The following GABRB2 variants were observed in gnomAD, a reference collection of about 807,000 sequenced individuals.
GABRB2 encodes the protein gamma-aminobutyric acid type A receptor subunit beta2, also known as gamma-aminobutyric acid receptor subunit beta-2.
In GABRB2, 16 loss-of-function variants were observed where a neutral mutation model predicts 54.7. That is an observed-to-expected ratio of 0.29 (90% CI 0.20 to 0.44). The LOEUF is 0.44. GABRB2 is among the 20% of genes least tolerant of loss of function. The probability of loss-of-function intolerance (pLI) is 1.00; values close to 1 mark genes in which losing one functional copy is unlikely to be tolerated. For synonymous variants in GABRB2, 244 were observed against 233.8 expected, an observed-to-expected ratio of 1.04 and a Z score of -0.40; for missense variants, 355 against 644.0, an observed-to-expected ratio of 0.55 and a Z score of 4.86.
chr5:161,331,916 A>C (rs1231126038), intron 7 of GABRB2, among the ~76,000 whole-genome samples: 1 of 152,092 alleles, frequency 6.6e-6, no homozygotes, highest in Non-Finnish European at 1.5e-5. Flanking sequence ...TTGTAATCCC[A>C]GCACTTTGGG....
intron 5 of GABRB2, among the ~76,000 whole-genome samples, chr5:161,347,038 T>C (rs1362537912): frequency 3.3e-5 from 5 of 152,080 alleles, no homozygotes; most frequent in Non-Finnish European, 7.4e-5. Flanking sequence ...TGTAGACATA[T>C]ATGCACAGTT....
chr5:161,429,375 GA>G (rs1433265974), intron 4 of GABRB2, among the ~76,000 whole-genome samples: 39 of 78,854 alleles, frequency 4.9e-4, no homozygotes, highest in African/African-American at 1.8e-3. Flanking sequence ...GAAAAAAAAA[GA>G]AATCCTGAAA....
At chr5:161,482,201 C>T (rs1038555135) in intron 3 of GABRB2, among the ~76,000 whole-genome samples, 10 of 152,084 alleles carry the variant, frequency 6.6e-5, no homozygotes, top group East Asian at 1.9e-4. Context: ...ACATCCCTCA[C>T]GAGGTGTGCA....
intron 5 of GABRB2, among the ~76,000 whole-genome samples, chr5:161,370,510 G>C (rs1297362808): frequency 6.6e-6 from 1 of 152,164 alleles, no homozygotes; most frequent in African/African-American, 2.4e-5. Context: ...GCCAAACTCT[G>C]TAGATCTGTC....
chr5:161,416,700 A>AAAAAAAAAAAAAAAAAAAAAAAAAAC lies in GABRB2; in HGVS notation c.459-5644_459-5643insGTTTTTTTTTTTTTTTTTTTTTTTTT, dbSNP rs1756683254. Among the ~76,000 whole-genome samples the AAAAAAAAAAAAAAAAAAAAAAAAAAC allele has an allele frequency of 2.4e-5, 2 of 81,730 alleles. 1 individual carries two copies. Among genetic ancestry groups the AAAAAAAAAAAAAAAAAAAAAAAAAAC allele is most frequent in the Non-Finnish European group, 4.2e-5 (2 of 47,922 alleles). The allele number at this position is 81,730 out of a possible 152,430, so 53.6% of individuals were successfully genotyped here. A position where few individuals can be genotyped will look rare whatever the true frequency, so the allele number is the denominator to read the frequency against. ...CGGCAGAGCCAGACTCCGTCTCAAA[A>AAAAAAAAAAAAAAAAAAAAAAAAAAC]AAAAAAAAAAAAAAAAAAAAAAAAA... On this transcript the variant is annotated intron_variant, in intron 4 of 9. Transcript: ENST00000393959.
chr5:161,313,375 C>A (rs1046997900), intron 9 of GABRB2, among the ~76,000 whole-genome samples: 5 of 152,044 alleles, frequency 3.3e-5, no homozygotes, highest in African/African-American at 7.2e-5. Context: ...CTCCCCACTA[C>A]GTTTTTTTCA....
chr5:161,424,143 G>A (rs1034268758), intron 4 of GABRB2, among the ~76,000 whole-genome samples: 2 of 152,160 alleles, frequency 1.3e-5, no homozygotes, highest in African/African-American at 2.4e-5. Context: ...TAACATAAAA[G>A]TGCAAGGTGA....
chr5:161,323,690 TCTC>T (rs200628701), intron 9 of GABRB2, among the ~76,000 whole-genome samples: 3,846 of 152,296 alleles, frequency 0.025, 57 homozygotes, highest in Middle Eastern at 0.088. Flanking sequence ...GTCTACTCTC[TCTC>T]CTCTTCTCCA....
chr5:161,437,423 A>G (rs1757343098), intron 4 of GABRB2, among the ~76,000 whole-genome samples: 1 of 152,080 alleles, frequency 6.6e-6, no homozygotes, highest in Non-Finnish European at 1.5e-5. Context: ...GCCTTGAAGG[A>G]AAAGACCCAG....
At chr5:161,515,283 A>T (rs922381099) in intron 3 of GABRB2, among the ~76,000 whole-genome samples, 2 of 152,096 alleles carry the variant, frequency 1.3e-5, no homozygotes, top group African/African-American at 4.8e-5. Context: ...GAATTTTTTA[A>T]AAAAAATTCA....
rs1044680732 is a variant in GABRB2, at chr5:161,292,097, G to A, written c.*1984C>T. 6.6e-6 allele frequency: 1 copy of A among 152,120 alleles called. No homozygotes were observed. The highest frequency in any genetic ancestry group is 1.9e-4 in the East Asian group (1 of 5,198). 9.4% of individuals were successfully genotyped at this position (152,120 alleles called of 1,614,324 possible). On this transcript the variant is annotated 3_prime_UTR_variant, in exon 10 of 10. Transcript: ENST00000393959. ...AATGGCCAAGGTTTCCTACACTGGT[G>A]AAAAACAAAATACCATTCCATTTTG...
chr5:161,335,272 G>T (rs1041172077), intron 6 of GABRB2, among the ~76,000 whole-genome samples: 14 of 152,124 alleles, frequency 9.2e-5, no homozygotes, highest in Non-Finnish European at 2.1e-4. Context: ...TGAGAGTGAG[G>T]CTGCATGTTC....
intron 9 of GABRB2, among the ~76,000 whole-genome samples, chr5:161,310,390 G>A (rs976966488): frequency 1.3e-5 from 2 of 152,208 alleles, no homozygotes; most frequent in African/African-American, 4.8e-5. Context: ...ATCTCTCTTA[G>A]ATATGAATGG....
chr5:161,511,023 C>G (rs765431313), intron 3 of GABRB2, among the ~76,000 whole-genome samples: 70 of 151,750 alleles, frequency 4.6e-4, no homozygotes, highest in Non-Finnish European at 7.7e-4. Flanking sequence ...TATTTGTACC[C>G]ATACTAATAA....
chr5:161,380,044 T>C (rs964469115), intron 5 of GABRB2, among the ~76,000 whole-genome samples: 3 of 152,158 alleles, frequency 2.0e-5, no homozygotes, highest in Admixed American at 6.6e-5. Context: ...AACTTATCTA[T>C]GTGTCCCTAA....
intron 9 of GABRB2, among the ~76,000 whole-genome samples, chr5:161,299,741 G>T (rs749022818): frequency 6.6e-6 from 1 of 151,108 alleles, no homozygotes. Context: ...TCTGTTATTT[G>T]CATTCCAAAG....
At chr5:161,310,096 A>G (rs921381360) in intron 9 of GABRB2, among the ~76,000 whole-genome samples, 1 of 152,180 alleles carries the variant, frequency 6.6e-6, no homozygotes, top group Non-Finnish European at 1.5e-5. Context: ...CTCATTTATA[A>G]GTGGTAGCTA....
At chr5:161,498,606 G>C (rs1310857251) in intron 3 of GABRB2, among the ~76,000 whole-genome samples, 1 of 152,068 alleles carries the variant, frequency 6.6e-6, no homozygotes, top group East Asian at 1.9e-4. Context: ...GAAGAGCTGA[G>C]GCAGGACTGG....
chr5:161,357,745 T>A (rs1754679564), intron 5 of GABRB2, among the ~76,000 whole-genome samples: 1 of 151,996 alleles, frequency 6.6e-6, no homozygotes, highest in African/African-American at 2.4e-5. Flanking sequence ...AAGATCCAGC[T>A]AATAGGATCT....
Sources: gnomAD v4.1 joint callset for allele counts (sites outside exome capture counted in the v4.1 genomes callset) on GRCh38, gnomAD v4.1.1 for gene constraint, MANE v1.5 for transcripts, NCBI Gene and HGNC (gene_info 2026-07-23, HGNC 2026-07-21) for gene names.